SLC6A13: variants seen among roughly 807,000 people sequenced by gnomAD.
The protein encoded by SLC6A13 is solute carrier family 6 member 13.
A neutral mutation model predicts 72.9 loss-of-function variants in SLC6A13; 69 were observed. The ratio of observed to expected loss-of-function variants is 0.95; its 90% CI spans 0.78 to 1.16. SLC6A13 has a LOEUF of 1.16. SLC6A13 is among the 50% of genes most tolerant of loss of function. The probability of loss-of-function intolerance (pLI) is 0.00; values close to 1 mark genes in which losing one functional copy is unlikely to be tolerated. For synonymous variants in SLC6A13, 303 were observed against 303.0 expected (o/e 1.00, Z 0.00); for missense variants, 735 against 760.5 (o/e 0.97, Z 0.39).
At position 242,647 on chromosome 12, in the gene SLC6A13, G is replaced by A. The variant is rs1053906803; in HGVS notation, c.445C>T (p.Pro149Ser). 7 of 1,613,818 alleles carry A rather than the reference G, an allele frequency of 4.3e-6. No individual in the cohort carries two copies. The highest frequency in any genetic ancestry group is 5.9e-6 in the Non-Finnish European group (7 of 1,179,870). Residue 149 changes from proline (P) to serine (S), a missense_variant, in exon 4 of 15, where the codon CCC (proline) becomes TCC (serine). Pro to Ser is a moderately conservative substitution (Grantham distance 74, BLOSUM62 -1). Coordinates refer to ENST00000343164, the MANE Select transcript of SLC6A13 (RefSeq NM_016615.5). Reference protein sequence around the residue: ...YLFSSFTIDLPWGGCYHEWNT... With the variant: ...YLFSSFTIDLSWGGCYHEWNT... ...CACTCATGGTAGCAGCCGCCCCAGG[G>A]CAGGTCGATGGTGAAGCTGCTGAAG... is the stretch of plus-strand genomic sequence containing the variant.
At chr12:253,890 G>A (rs1361638335) in intron 2 of SLC6A13, 1 of 152,254 alleles carries the variant, frequency 6.6e-6, no homozygotes, top group Non-Finnish European at 1.5e-5. Context: ...TGCCCCGAGT[G>A]AAATTTCAGC....
intron 1 of SLC6A13, among the ~76,000 whole-genome samples, chr12:261,405 T>G (rs1302243482): frequency 6.6e-6 from 1 of 152,214 alleles, no homozygotes; most frequent in East Asian, 1.9e-4. Context: ...CCCTGCTCTT[T>G]CAGTTCCATC....
intron 9 of SLC6A13, among the ~76,000 whole-genome samples, chr12:225,480 T>C (rs928021217): frequency 2.6e-5 from 4 of 152,148 alleles, no homozygotes; most frequent in Non-Finnish European, 5.9e-5. Flanking sequence ...TGAAACCCTG[T>C]CTCTACTAAA....
intron 1 of SLC6A13, among the ~76,000 whole-genome samples, chr12:260,337 G>A (rs1312133649): frequency 6.6e-6 from 1 of 152,192 alleles, no homozygotes; most frequent in Non-Finnish European, 1.5e-5. Flanking sequence ...GAGGATTGCA[G>A]ACATGGAGGA....
At chr12:228,556 C>G (rs971851847) in intron 7 of SLC6A13, among the ~76,000 whole-genome samples, 8 of 152,146 alleles carry the variant, frequency 5.3e-5, no homozygotes, top group Admixed American at 3.9e-4. Flanking sequence ...CAGAACCCCC[C>G]CAAGCAGGCC....
intron 2 of SLC6A13, among the ~76,000 whole-genome samples, chr12:256,902 C>T (rs1039604980): frequency 3.3e-5 from 5 of 152,138 alleles, no homozygotes; most frequent in African/African-American, 9.7e-5. Context: ...GCTCAGAACA[C>T]TCTTCCCATG....
intron 2 of SLC6A13, chr12:258,969 A>C (rs974906171): frequency 1.0e-6 from 1 of 985,458 alleles, no homozygotes; most frequent in Non-Finnish European, 1.2e-6. Context: ...GGGGAACCTT[A>C]AGACCACAGA....
Position 225,867 on chromosome 12 carries a change from T to C in SLC6A13, c.1060+523A>G, listed in dbSNP as rs960712873. 9.2e-5 allele frequency among the ~76,000 whole-genome samples: 14 copies of C among 152,270 alleles called. 1 individual carries two copies. The highest frequency in any genetic ancestry group is 3.1e-4 in the African/African-American group (13 of 41,554). On this transcript the variant is annotated intron_variant, in intron 9 of 14. Transcript: ENST00000343164. ...ACTGGGGCCTGGGCCTTGATGTTATTTGAAAGCAGCAAAATAGCACTGCAT... is the reference window on the plus strand; with the variant it reads ...ACTGGGGCCTGGGCCTTGATGTTATCTGAAAGCAGCAAAATAGCACTGCAT...
chr12:252,670 A>G (rs1213071185), intron 2 of SLC6A13, among the ~76,000 whole-genome samples: 1 of 152,224 alleles, frequency 6.6e-6, no homozygotes, highest in Non-Finnish European at 1.5e-5. Flanking sequence ...GCTGAGCAGG[A>G]AGGAAAACAG....
At chr12:238,212 G>A (rs1942013287) in intron 4 of SLC6A13, 5 of 1,526,226 alleles carry the variant, frequency 3.3e-6, no homozygotes, top group South Asian at 2.4e-5. Context: ...ACTTGGACAT[G>A]TGGGTACATA....
intron 1 of SLC6A13, among the ~76,000 whole-genome samples, chr12:261,797 G>A (rs1466739120): frequency 6.6e-6 from 1 of 152,058 alleles, no homozygotes; most frequent in Admixed American, 6.5e-5. Context: ...ATGGTGGCAG[G>A]CACCTGTAAT....
intron 3 of SLC6A13, 146 bp downstream of exon 3, chr12:243,533 G>A (rs1304148628): frequency 1.4e-6 from 1 of 739,396 alleles, no homozygotes; most frequent in Non-Finnish European, 2.2e-6. Flanking sequence ...GACTAGCTCA[G>A]TATGCAGCCC....
intron 2 of SLC6A13, among the ~76,000 whole-genome samples, chr12:256,841 G>A (rs1159875795): frequency 6.6e-6 from 1 of 152,140 alleles, no homozygotes; most frequent in African/African-American, 2.4e-5. Context: ...GAGCAGGCCA[G>A]TCGGGTACGT....
chr12:228,506 C>T (rs1941566042), intron 7 of SLC6A13, among the ~76,000 whole-genome samples: 3 of 152,102 alleles, frequency 2.0e-5, no homozygotes, highest in South Asian at 2.1e-4. Context: ...ATGGAAAGGG[C>T]GCCGGATGAC....
chr12:258,842 A>T, intron 2 of SLC6A13: 1 of 826,636 alleles, frequency 1.2e-6, no homozygotes, highest in Non-Finnish European at 1.5e-6. Flanking sequence ...CAACATGCAC[A>T]CATTTGTGCT....
chr12:252,642 T>C (rs1312895649), intron 2 of SLC6A13, among the ~76,000 whole-genome samples: 3 of 152,120 alleles, frequency 2.0e-5, no homozygotes, highest in Non-Finnish European at 2.9e-5. Flanking sequence ...AAGAAGTCCA[T>C]AAATCAACCC....
chr12:253,552 A>T (rs1412085538), intron 2 of SLC6A13: 1 of 152,278 alleles, frequency 6.6e-6, no homozygotes, highest in African/African-American at 2.4e-5. Context: ...CACCTTCTTT[A>T]CAGGCTGGAG....
chr12:243,154 T>G (rs945090897), intron 3 of SLC6A13, among the ~76,000 whole-genome samples: 2 of 152,156 alleles, frequency 1.3e-5, no homozygotes, highest in African/African-American at 4.8e-5. Context: ...GGATTACCGG[T>G]GCCCACCACC....
At position 235,165 on chromosome 12, in the gene SLC6A13, C is replaced by T. The variant is rs1378185606; in HGVS notation, c.756G>A (p.Gly252=). 3.1e-6 allele frequency: 5 copies of T among 1,614,152 alleles called. No homozygotes were observed. The highest frequency in any genetic ancestry group is 3.4e-6 in the Non-Finnish European group (4 of 1,180,014). ...CTTGGGCTGCCCCAGGCAACGTCAC[C>T]CCTCGAATTAACAGGACCACCAGCA... ...YLMLVVLLIR[G]VTLPGAAQGI... is the part of the protein sequence containing the mutation. The change falls in exon 7 of 15, where the codon GGG becomes GGA. Residue 252 remains glycine (G), a synonymous_variant. Coordinates refer to ENST00000343164, the MANE Select transcript of SLC6A13 (RefSeq NM_016615.5).
Sources: gnomAD v4.1 joint callset for allele counts (sites outside exome capture counted in the v4.1 genomes callset) on GRCh38, gnomAD v4.1.1 for gene constraint, MANE v1.5 for transcripts, NCBI Gene and HGNC (gene_info 2026-07-23, HGNC 2026-07-21) for gene names.